Variants in CLVS1 observed in about 807,000 individuals in gnomAD.
CLVS1 encodes clavesin 1.
CLVS1 carries 10 observed loss-of-function variants against 33.1 expected under a neutral mutation model. The ratio of observed to expected loss-of-function variants is 0.30; its 90% CI spans 0.19 to 0.51. CLVS1 has a LOEUF of 0.51. CLVS1 is among the 20% of genes least tolerant of loss of function. The probability of loss-of-function intolerance (pLI) is 0.97; values close to 1 mark genes in which losing one functional copy is unlikely to be tolerated. For synonymous variants in CLVS1, 163 were observed against 166.1 expected, an observed-to-expected ratio of 0.98 and a Z score of 0.14; for missense variants, 343 against 433.4, an observed-to-expected ratio of 0.79 and a Z score of 1.85.
intron 3 of CLVS1, among the ~76,000 whole-genome samples, chr8:61,389,613 C>A (rs933704965): frequency 9.2e-5 from 14 of 152,014 alleles, no homozygotes; most frequent in Non-Finnish European, 2.1e-4. Context: ...GCAACTGAAG[C>A]TAGAAAGCAC....
At chr8:61,130,550 C>A (rs1806074979) in intron 1 of CLVS1, among the ~76,000 whole-genome samples, 1 of 152,160 alleles carries the variant, frequency 6.6e-6, no homozygotes, top group Admixed American at 6.5e-5. Context: ...AACTTGGTAT[C>A]TTGGGTGAGA....
At chr8:61,365,783 G>GCA in intron 2 of CLVS1, among the ~76,000 whole-genome samples, 2 of 144,310 alleles carry the variant, frequency 1.4e-5, no homozygotes, top group African/African-American at 5.9e-5. Context: ...GTGCGTGTGT[G>GCA]TGTGTGTGTG....
chr8:61,288,813 C>T (rs1437493075), intron 1 of CLVS1, among the ~76,000 whole-genome samples: 1 of 152,154 alleles, frequency 6.6e-6, no homozygotes, highest in Non-Finnish European at 1.5e-5. Flanking sequence ...ACCCACACGT[C>T]CGTTTCCTTT....
intron 2 of CLVS1, among the ~76,000 whole-genome samples, chr8:61,360,915 G>T (rs949313731): frequency 6.6e-5 from 10 of 151,952 alleles, no homozygotes; most frequent in African/African-American, 1.5e-4. Context: ...TAAAAAAAAG[G>T]TTGAATTGGT....
At chr8:61,420,307 A>T (rs1470561668) in intron 3 of CLVS1, among the ~76,000 whole-genome samples, 1 of 152,222 alleles carries the variant, frequency 6.6e-6, no homozygotes, top group African/African-American at 2.4e-5. Flanking sequence ...AGCCTTTAAA[A>T]AAACATTGTT....
chr8:60,989,303 C>T, the CLVS1 span, among the ~76,000 whole-genome samples: 9 of 152,224 alleles, frequency 5.9e-5, no homozygotes, highest in African/African-American at 2.2e-4. Context: ...GCCTCAGCCT[C>T]CCAAGTAGCT....
intron 3 of CLVS1, among the ~76,000 whole-genome samples, chr8:61,433,666 G>A (rs868353752): frequency 1.2e-4 from 19 of 152,230 alleles, no homozygotes; most frequent in Middle Eastern, 6.8e-3. Context: ...AAGCTGGGAG[G>A]ATGTGGCCCC....
intron 2 of CLVS1, among the ~76,000 whole-genome samples, chr8:61,179,630 A>G (rs927266441): frequency 6.6e-6 from 1 of 152,248 alleles, no homozygotes; most frequent in African/African-American, 2.4e-5. Context: ...AACTGAAATA[A>G]TAACAAACAG....
At chr8:61,455,168 T>C (rs1222321296) in intron 4 of CLVS1, among the ~76,000 whole-genome samples, 1 of 131,468 alleles carries the variant, frequency 7.6e-6, no homozygotes, top group Non-Finnish European at 1.6e-5. Context: ...TCACCTCCTA[T>C]AATTATGATT....
chr8:61,263,069 A>C (rs1585732035), intron 2 of CLVS1, among the ~76,000 whole-genome samples: 1 of 152,318 alleles, frequency 6.6e-6, no homozygotes, highest in Middle Eastern at 3.4e-3. Flanking sequence ...CAGGAGCCAG[A>C]AAGAGTCACC....
chr8:61,474,765 G>C (rs1381403796), intron 5 of CLVS1, among the ~76,000 whole-genome samples: 1 of 152,100 alleles, frequency 6.6e-6, no homozygotes, highest in Non-Finnish European at 1.5e-5. Flanking sequence ...AGTTCCCGAG[G>C]ACTCTATTTT....
At chr8:61,339,303 G>A (rs538131020) in intron 2 of CLVS1, among the ~76,000 whole-genome samples, 1 of 152,298 alleles carries the variant, frequency 6.6e-6, no homozygotes, top group Admixed American at 6.5e-5. Flanking sequence ...CCCTTGCATG[G>A]TGGGCAGGGC....
At chr8:61,009,330 T>C in the CLVS1 span, among the ~76,000 whole-genome samples, 2 of 152,170 alleles carry the variant, frequency 1.3e-5, no homozygotes, top group Admixed American at 6.5e-5. Flanking sequence ...TAATTTTTTG[T>C]AGATACAGGG....
At chr8:61,159,405 A>G (rs897601299) in intron 2 of CLVS1, among the ~76,000 whole-genome samples, 6 of 152,214 alleles carry the variant, frequency 3.9e-5, no homozygotes, top group African/African-American at 1.4e-4. Flanking sequence ...GCTCAAGAAG[A>G]TAATGCTGAG....
intron 2 of CLVS1, among the ~76,000 whole-genome samples, chr8:61,232,023 G>GTTTGTTTGTTTGTTTTTTTTTTTTTTTT: frequency 1.1e-4 from 7 of 62,656 alleles, no homozygotes; most frequent in African/African-American, 3.3e-4. Flanking sequence ...GAAAGTTGTG[G>GTTTGTTTGTTTGTTTTTTTTTTTTTTTT]TTTTTTTTTT....
chr8:61,009,899 C>T, the CLVS1 span, among the ~76,000 whole-genome samples: 6 of 152,172 alleles, frequency 3.9e-5, no homozygotes, highest in African/African-American at 1.2e-4. Flanking sequence ...ATATAAGAAA[C>T]GGCTTTGACC....
chr8:61,104,624 A>G (rs1391932558), intron 1 of CLVS1, among the ~76,000 whole-genome samples: 2 of 152,226 alleles, frequency 1.3e-5, no homozygotes, highest in African/African-American at 4.8e-5. Context: ...AATCAAAAGC[A>G]TATGGGTTTT....
At chr8:61,493,354 A>G (rs932086404) in intron 5 of CLVS1, among the ~76,000 whole-genome samples, 3 of 152,236 alleles carry the variant, frequency 2.0e-5, no homozygotes, top group African/African-American at 7.2e-5. Flanking sequence ...ATATTTCTGG[A>G]CCTTAATTTT....
chr8:60,972,350 G>C, the CLVS1 span, among the ~76,000 whole-genome samples: 1 of 152,002 alleles, frequency 6.6e-6, no homozygotes, highest in Non-Finnish European at 1.5e-5. Context: ...AACTAACTCT[G>C]GGAAAAATTT....
Sources: gnomAD v4.1 joint callset for allele counts (sites outside exome capture counted in the v4.1 genomes callset) on GRCh38, gnomAD v4.1.1 for gene constraint, MANE v1.5 for transcripts, NCBI Gene and HGNC (gene_info 2026-07-23, HGNC 2026-07-21) for gene names.